LMX1B: variants seen among roughly 807,000 people sequenced by gnomAD.
LMX1B encodes the protein LIM homeobox transcription factor 1-beta.
In LMX1B, 12 loss-of-function variants were observed where a neutral mutation model predicts 51.4. The ratio of observed to expected loss-of-function variants is 0.23; its 90% CI spans 0.15 to 0.38. The LOEUF (loss-of-function observed/expected upper bound fraction) is 0.38, where lower values mean the gene tolerates loss of function less well. LMX1B is among the 10% of genes least tolerant of loss of function. The pLI, the probability that LMX1B is intolerant of heterozygous loss-of-function variation, is 1.00. For synonymous variants in LMX1B, 237 were observed against 235.4 expected (o/e 1.01, Z -0.06); for missense variants, 445 against 571.1 (o/e 0.78, Z 2.25).
chr9:126,630,438 G>A (rs1048518427), intron 2 of LMX1B, among the ~76,000 whole-genome samples: 5 of 152,154 alleles, frequency 3.3e-5, no homozygotes, highest in Middle Eastern at 3.2e-3. Flanking sequence ...TTCATCACTG[G>A]GGGGGAGGGT....
Position 126,693,289 on chromosome 9 carries a change from C to T in LMX1B, c.707C>T (p.Ala236Val), listed in dbSNP as rs1309850764. 1 of 1,609,406 alleles carries T rather than the reference C, an allele frequency of 6.2e-7. No homozygotes were observed. The change falls in exon 4 of 8, where the codon GCC becomes GTC. Residue 236 changes from alanine (A) to valine (V), a missense_variant. This residue lies in a region of LMX1B where 273 missense variants were observed against 343.3 expected (regional missense o/e 0.80). Transcript: ENST00000373474. Reference protein sequence around the residue: ...LTTQQRRAFKASFEVSSKPCR... With the variant: ...LTTQQRRAFKVSFEVSSKPCR... ...ACGCAGCAGCGAAGAGCCTTCAAGG[C>T]CTCCTTCGAGGTCTCGTCGAAGCCT...
At chr9:126,648,541 C>T (rs1275773934) in intron 2 of LMX1B, among the ~76,000 whole-genome samples, 1 of 152,210 alleles carries the variant, frequency 6.6e-6, no homozygotes, top group Non-Finnish European at 1.5e-5. Context: ...TTGATTTTCT[C>T]ATCCGTAAAA....
intron 2 of LMX1B, among the ~76,000 whole-genome samples, chr9:126,638,232 G>C (rs948839436): frequency 1.3e-5 from 2 of 152,160 alleles, no homozygotes; most frequent in African/African-American, 4.8e-5. Flanking sequence ...CGGTGGGGGT[G>C]CCCTGCTGCT....
intron 2 of LMX1B, among the ~76,000 whole-genome samples, chr9:126,685,857 A>G (rs1836758090): frequency 6.6e-6 from 1 of 152,134 alleles, no homozygotes; most frequent in African/African-American, 2.4e-5. Context: ...AGATGTGGAC[A>G]GAGGCTCAAG....
At chr9:126,669,436 T>G (rs1301899649) in intron 2 of LMX1B, among the ~76,000 whole-genome samples, 1 of 152,200 alleles carries the variant, frequency 6.6e-6, no homozygotes, top group Non-Finnish European at 1.5e-5. Flanking sequence ...CCTTCGGGTC[T>G]GCATTGTGTA....
In LMX1B at chr9:126,615,585, C is replaced by T. The variant is rs540218702; in HGVS notation, c.326+16C>T. On this transcript the variant is annotated intron_variant, in intron 2 of 7. Transcript: ENST00000373474. The surrounding 1 kb of genome is among the most constrained non-coding windows in gnomAD (Gnocchi z 6.0). The stretch of plus-strand genomic sequence containing the variant: ...ACTACCAACAGTAAGCGCTTCTCGT[C>T]CTCCTTCCCCGCCACCGCCCGGCAC... 6.9e-6 allele frequency: 11 copies of T among 1,595,426 alleles called. No individual in the cohort carries two copies. Among genetic ancestry groups the T allele is most frequent in the South Asian group, 6.8e-5 (6 of 88,612 alleles).
At position 126,626,780 on chromosome 9, in the gene LMX1B, AC is replaced by A. The variant is rs1327453796; in HGVS notation, c.326+11216del. Among the ~76,000 whole-genome samples, 2 of 151,978 alleles carry A rather than the reference AC, an allele frequency of 1.3e-5. No individual in the cohort carries two copies. The highest frequency in any genetic ancestry group is 1.3e-4 in the Admixed American group (2 of 15,258). On this transcript the variant is annotated intron_variant, in intron 2 of 7. Transcript: ENST00000373474. This position sits in a 1 kb window ranked among gnomAD's most constrained non-coding sequence, Gnocchi z 4.3. ...GATTAGGTTTCAGCGCCTCCGCCCC[AC>A]CCCCAGCCCCGCGGCGGTGATTTGT...
intron 2 of LMX1B, chr9:126,640,832 A>AGT (rs909568113): frequency 1.3e-5 from 2 of 152,266 alleles, no homozygotes; most frequent in African/African-American, 2.4e-5. Flanking sequence ...CTTTCCTGAC[A>AGT]GTGAGTCCGC....
chr9:126,642,948 T>C (rs1218606504), intron 2 of LMX1B, among the ~76,000 whole-genome samples: 3 of 152,178 alleles, frequency 2.0e-5, no homozygotes, highest in South Asian at 2.1e-4. Context: ...TGGACTGCGC[T>C]CTCTTCCCAC....
At chr9:126,636,072 C>G (rs1348062276) in intron 2 of LMX1B, among the ~76,000 whole-genome samples, 1 of 152,152 alleles carries the variant, frequency 6.6e-6, no homozygotes, top group Non-Finnish European at 1.5e-5. Context: ...CTCTATGAGC[C>G]TTTTGGACCC....
chr9:126,649,228 G>GGCGTCCCTGCCTGCTGTCT (rs1835959131), intron 2 of LMX1B, among the ~76,000 whole-genome samples: 1 of 151,584 alleles, frequency 6.6e-6, no homozygotes, highest in Non-Finnish European at 1.5e-5. Context: ...ACCTCTTCCT[G>GGCGTCCCTGCCTGCTGTCT]GCCTCCCTGC....
intron 2 of LMX1B, among the ~76,000 whole-genome samples, chr9:126,638,015 C>T (rs73669128): frequency 0.022 from 3,311 of 151,446 alleles, 117 homozygotes; most frequent in African/African-American, 0.075. Context: ...CAGCCCTGCC[C>T]GGGGACCTGC....
rs1836490084 is a variant in LMX1B at position 126,673,143 on chromosome 9, C to T, written c.327-17693C>T. Among the ~76,000 whole-genome samples, 1 of 152,174 alleles carries T rather than the reference C, an allele frequency of 6.6e-6. No individual in the cohort carries two copies. Among genetic ancestry groups the T allele is most frequent in the Non-Finnish European group, 1.5e-5 (1 of 68,022 alleles). On this transcript the variant is annotated intron_variant, in intron 2 of 7. Coordinates refer to ENST00000373474, the MANE Select transcript of LMX1B (RefSeq NM_001174147.2). This position sits in a 1 kb window ranked among gnomAD's most constrained non-coding sequence, Gnocchi z 4.4. ...GGGAAGACTCATTCTCCTTGCCTTC[C>T]AGGGTCGAGAGGAGATGAGAACTCC...
chr9:126,679,354 G>A (rs1289188897), intron 2 of LMX1B, among the ~76,000 whole-genome samples: 1 of 152,102 alleles, frequency 6.6e-6, no homozygotes, highest in East Asian at 1.9e-4. Context: ...TGAGCTGGAT[G>A]GAGGCATGGA....
chr9:126,653,775 G>A (rs1284776378), intron 2 of LMX1B, among the ~76,000 whole-genome samples: 1 of 151,588 alleles, frequency 6.6e-6, no homozygotes, highest in Non-Finnish European at 1.5e-5. Context: ...CCCCTGGGTT[G>A]TGTTGTGTTG....
chr9:126,667,162 A>G (rs1452489196), intron 2 of LMX1B, among the ~76,000 whole-genome samples: 1 of 152,192 alleles, frequency 6.6e-6, no homozygotes, highest in Non-Finnish European at 1.5e-5. Flanking sequence ...CTTTCCTACA[A>G]CATAGGAGCA....
chr9:126,620,617 G>C (rs949531024), intron 2 of LMX1B, among the ~76,000 whole-genome samples: 2 of 151,960 alleles, frequency 1.3e-5, no homozygotes, highest in East Asian at 1.9e-4. Flanking sequence ...AGACGGGTGT[G>C]CTGTGCTCTT....
intron 3 of LMX1B, among the ~76,000 whole-genome samples, chr9:126,691,700 G>A (rs376862810): frequency 2.7e-4 from 41 of 152,272 alleles, no homozygotes; most frequent in African/African-American, 9.6e-4. Context: ...TCCACAGGCT[G>A]GGGATGCCTG....
rs377605809 is a variant in LMX1B at position 126,636,326 on chromosome 9, G to A, written c.326+20757G>A. Among the ~76,000 whole-genome samples the A allele has an allele frequency of 7.2e-5, 11 of 152,266 alleles. No homozygotes were observed. In the East Asian group the frequency reaches 1.9e-3, roughly 27 times the overall value. Reference sequence around the variant, plus strand: ...AGGGGCTGGAAGAGGGCTTCCTGGAGGGAGAGCTGTTGAAGCTGAGAGCAG... The same window carrying A: ...AGGGGCTGGAAGAGGGCTTCCTGGAAGGAGAGCTGTTGAAGCTGAGAGCAG... On this transcript the variant is annotated intron_variant, in intron 2 of 7. Coordinates refer to ENST00000373474, the MANE Select transcript of LMX1B (RefSeq NM_001174147.2).
Sources: allele counts gnomAD v4.1 joint callset (sites outside exome capture counted in the v4.1 genomes callset), GRCh38; gene constraint gnomAD v4.1.1; regional missense constraint gnomAD v4.1.1; non-coding constraint Gnocchi (gnomAD v3.1); transcripts MANE v1.5; gene names NCBI Gene and HGNC (gene_info 2026-07-23, HGNC 2026-07-21).